PTPRT: variants seen among roughly 807,000 people sequenced by gnomAD.
PTPRT encodes the protein receptor-type tyrosine-protein phosphatase T.
PTPRT carries 56 observed loss-of-function variants against 176.8 expected under a neutral mutation model. The observed-to-expected ratio is 0.32, with a 90% CI of 0.26 to 0.40. The LOEUF (loss-of-function observed/expected upper bound fraction) is 0.40, where lower values mean the gene tolerates loss of function less well. Ranked by LOEUF, PTPRT falls within the 10% of genes least tolerant of loss-of-function variation. The probability of loss-of-function intolerance (pLI) is 1.00; values close to 1 mark genes in which losing one functional copy is unlikely to be tolerated. For synonymous variants in PTPRT, 783 were observed against 739.0 expected, an observed-to-expected ratio of 1.06 and a Z score of -0.96; for missense variants, 1,540 against 1,908.2, an observed-to-expected ratio of 0.81 and a Z score of 3.60.
intron 7 of PTPRT, among the ~76,000 whole-genome samples, chr20:42,642,993 C>T (rs993869880): frequency 3.3e-5 from 5 of 152,062 alleles, no homozygotes; most frequent in African/African-American, 9.7e-5. Flanking sequence ...ACTTCTTCCA[C>T]GAGAAGACAC....
At chr20:42,131,219 G>A (rs1358294206) in intron 18 of PTPRT, among the ~76,000 whole-genome samples, 1 of 152,162 alleles carries the variant, frequency 6.6e-6, no homozygotes, top group East Asian at 1.9e-4. Context: ...GACTTCCTGG[G>A]GGACAGCCCA....
intron 7 of PTPRT, among the ~76,000 whole-genome samples, chr20:42,616,308 G>A (rs2074077064): frequency 8.2e-6 from 1 of 122,076 alleles, no homozygotes; most frequent in African/African-American, 3.9e-5. Context: ...TCTCTGTTTT[G>A]GTACCAGTAC....
At chr20:43,112,991 GT>G (rs2012925316) in intron 1 of PTPRT, among the ~76,000 whole-genome samples, 2 of 150,058 alleles carry the variant, frequency 1.3e-5, no homozygotes, top group Non-Finnish European at 3.0e-5. Flanking sequence ...GTCTCCTGGG[GT>G]TTTGCATGTA....
chr20:43,005,563 A>G (rs963999374), intron 1 of PTPRT, among the ~76,000 whole-genome samples: 5 of 152,150 alleles, frequency 3.3e-5, no homozygotes, highest in Admixed American at 6.5e-5. Flanking sequence ...GAAACAGAGG[A>G]GAGAATTGGC....
the PTPRT span, among the ~76,000 whole-genome samples, chr20:42,042,504 C>T: frequency 6.6e-6 from 1 of 152,058 alleles, no homozygotes; most frequent in Non-Finnish European, 1.5e-5. Flanking sequence ...AGCAGCTTTC[C>T]CTCTTTAACC....
At chr20:42,323,872 G>A (rs985932470) in intron 11 of PTPRT, among the ~76,000 whole-genome samples, 5 of 152,152 alleles carry the variant, frequency 3.3e-5, no homozygotes, top group African/African-American at 1.2e-4. Context: ...CAGACAACCA[G>A]TGTTTGAAAG....
intron 6 of PTPRT, among the ~76,000 whole-genome samples, chr20:42,729,485 A>G (rs1364614864): frequency 6.6e-6 from 1 of 152,228 alleles, no homozygotes; most frequent in Non-Finnish European, 1.5e-5. Flanking sequence ...GAGATGTGGG[A>G]TTCCGTCAGC....
intron 1 of PTPRT, among the ~76,000 whole-genome samples, chr20:43,131,359 G>T (rs571025856): frequency 6.6e-6 from 1 of 152,202 alleles, no homozygotes; most frequent in Non-Finnish European, 1.5e-5. Context: ...TAATTCCAGG[G>T]CAGATCTGCT....
chr20:42,365,592 A>G (rs975132234), intron 9 of PTPRT, among the ~76,000 whole-genome samples: 1 of 152,026 alleles, frequency 6.6e-6, no homozygotes, highest in South Asian at 2.1e-4. Context: ...CCCGGGCCAC[A>G]TTGGAAGAAG....
intron 2 of PTPRT, among the ~76,000 whole-genome samples, chr20:42,842,929 A>G (rs2078304517): frequency 1.3e-5 from 2 of 152,172 alleles, no homozygotes; most frequent in Admixed American, 1.3e-4. Context: ...ATCACCTCCT[A>G]AAAGCCCCGC....
In PTPRT at chr20:42,983,140, C is replaced by T. The variant is rs1182347786; in HGVS notation, c.89-97208G>A. 2.0e-5 allele frequency among the ~76,000 whole-genome samples: 3 copies of T among 152,172 alleles called. No homozygotes were observed. The East Asian group carries it at 5.8e-4, about 29-fold the overall frequency. On this transcript the variant is annotated intron_variant, in intron 1 of 30. Transcript: ENST00000373187. ...TCTTGTTATTTCAAGCTCTCCCATC[C>T]TTTGTGTGCACATCCTTTGTGTGTC... is the stretch of plus-strand genomic sequence containing the variant.
intron 15 of PTPRT, among the ~76,000 whole-genome samples, chr20:42,204,110 A>C (rs539008880): frequency 6.6e-6 from 1 of 152,250 alleles, no homozygotes; most frequent in Non-Finnish European, 1.5e-5. Context: ...AGATACGTGC[A>C]AAGAAAGAGA....
At chr20:42,169,870 T>TG (rs919492923) in intron 16 of PTPRT, among the ~76,000 whole-genome samples, 1 of 149,736 alleles carries the variant, frequency 6.7e-6, no homozygotes, top group African/African-American at 2.5e-5. Context: ...TATGACTTGG[T>TG]GGGGGCGGGG....
intron 1 of PTPRT, among the ~76,000 whole-genome samples, chr20:43,087,356 G>C (rs112022281): frequency 0.083 from 2,368 of 28,648 alleles, 64 homozygotes; most frequent in African/African-American, 0.22. Flanking sequence ...TGTTCACACT[G>C]TCCGTCCTTT....
At chr20:42,323,726 CATTGT>C (rs1235946676) in intron 11 of PTPRT, among the ~76,000 whole-genome samples, 2 of 151,814 alleles carry the variant, frequency 1.3e-5, no homozygotes, top group African/African-American at 4.8e-5. Flanking sequence ...CTAACCTGCA[CATTGT>C]GTACATGTAC....
At chr20:43,178,726 G>A (rs1314084809) in intron 1 of PTPRT, among the ~76,000 whole-genome samples, 1 of 152,104 alleles carries the variant, frequency 6.6e-6, no homozygotes, top group Non-Finnish European at 1.5e-5. Context: ...TAGACACCTA[G>A]AACATGGTAC....
At chr20:42,227,653 G>A (rs1355430992) in intron 15 of PTPRT, among the ~76,000 whole-genome samples, 1 of 119,244 alleles carries the variant, frequency 8.4e-6, no homozygotes, top group East Asian at 2.8e-4. Flanking sequence ...TGTTGCCCAA[G>A]CTGGAGTGCA....
chr20:42,267,743 A>G (rs997536256), intron 13 of PTPRT, among the ~76,000 whole-genome samples: 7 of 152,134 alleles, frequency 4.6e-5, no homozygotes, highest in Admixed American at 3.3e-4. Flanking sequence ...CCAGACATCC[A>G]TGGTGCTGGG....
At chr20:42,765,511 C>CT (rs1271859475) in intron 5 of PTPRT, among the ~76,000 whole-genome samples, 3 of 152,034 alleles carry the variant, frequency 2.0e-5, no homozygotes, top group Non-Finnish European at 4.4e-5. Flanking sequence ...GACCATTTTT[C>CT]TTTTTTTAAT....
Sources: allele counts gnomAD v4.1 joint callset (sites outside exome capture counted in the v4.1 genomes callset), GRCh38; gene constraint gnomAD v4.1.1; transcripts MANE v1.5; gene names NCBI Gene and HGNC (gene_info 2026-07-23, HGNC 2026-07-21).